Variants in BIN1 observed in about 807,000 individuals in gnomAD.
BIN1 encodes myc box-dependent-interacting protein 1.
Under a neutral mutation model 82.0 loss-of-function variants are expected in BIN1, and 53 were observed. The observed-to-expected ratio is 0.65, with a 90% CI of 0.52 to 0.81. The LOEUF (loss-of-function observed/expected upper bound fraction) is 0.81. Among genes scored for constraint, BIN1 ranks in the 40% least tolerant of loss-of-function variants. BIN1 has a pLI of 0.00. For synonymous variants in BIN1, 302 were observed against 328.0 expected (o/e 0.92, Z 0.86); for missense variants, 642 against 784.4 (o/e 0.82, Z 2.17).
intron 1 of BIN1, among the ~76,000 whole-genome samples, chr2:127,092,548 CCTAGCACCACCAGG>C (rs1383985625): frequency 6.6e-6 from 1 of 152,190 alleles, no homozygotes; most frequent in Non-Finnish European, 1.5e-5. Flanking sequence ...GCCCGCAGTC[CCTAGCACCACCAGG>C]CTCAGCCCTG....
At chr2:127,072,147 T>G (rs944413030) in intron 2 of BIN1, among the ~76,000 whole-genome samples, 1 of 152,214 alleles carries the variant, frequency 6.6e-6, no homozygotes, top group African/African-American at 2.4e-5. Context: ...GCCAGCTTCA[T>G]GCTTGCGCAA....
chr2:127,060,581 A>C (rs746325815), intron 10 of BIN1: 3 of 1,614,020 alleles, frequency 1.9e-6, no homozygotes, highest in Non-Finnish European at 2.5e-6. Flanking sequence ...CCTCCGCAGC[A>C]CTCACTGCCG....
At chr2:127,070,877 C>T in intron 2 of BIN1, 61 bp from the exon 3 acceptor site, 1 of 1,520,836 alleles carries the variant, frequency 6.6e-7, no homozygotes, top group Admixed American at 1.9e-5. Flanking sequence ...CCCTGACCCT[C>T]TCCTTCCTGC....
intron 1 of BIN1, among the ~76,000 whole-genome samples, chr2:127,098,563 CCCCATGCTGTTGCTGTGACCCCAAT>C (rs1679897961): frequency 6.6e-6 from 1 of 152,110 alleles, no homozygotes; most frequent in Non-Finnish European, 1.5e-5. Context: ...CACCCCCACG[CCCCATGCTGTTGCTGTGACCCCAAT>C]CCCACCCCAC....
intron 1 of BIN1, among the ~76,000 whole-genome samples, chr2:127,089,708 G>A (rs967217931): frequency 6.6e-6 from 1 of 152,072 alleles, no homozygotes; most frequent in African/African-American, 2.4e-5. Context: ...AGTCTGGGCA[G>A]CTGGCCAGGA....
At chr2:127,054,934 G>A (rs1244305056) in intron 12 of BIN1, 2 of 152,304 alleles carry the variant, frequency 1.3e-5, no homozygotes, top group East Asian at 3.9e-4. Flanking sequence ...TCCATGCCCA[G>A]GGCACAAGCT....
At chr2:127,070,169 G>A (rs932645782) in intron 4 of BIN1, 79 bp from the exon 5 acceptor site, 22 of 1,161,228 alleles carry the variant, frequency 1.9e-5, no homozygotes, top group Non-Finnish European at 2.5e-5. Context: ...GCAGGGACCA[G>A]CCCCAGCCCC....
In BIN1 at chr2:127,068,812, C is replaced by G; in HGVS notation, c.519+112G>C. ...CTGGGCCCTGTATCGTCCCCACCCCCAGTTCAGCCACCTGGGGCCAGGCAG... is the reference window on the plus strand; with the variant it reads ...CTGGGCCCTGTATCGTCCCCACCCCGAGTTCAGCCACCTGGGGCCAGGCAG... On this transcript the variant is annotated intron_variant, in intron 6 of 18. Transcript: ENST00000316724. The surrounding 1 kb of genome is among the most constrained non-coding windows in gnomAD (Gnocchi z 4.9). 9.4e-7 allele frequency: 1 copy of G among 1,060,388 alleles called. No individual in the cohort carries two copies. The highest frequency in any genetic ancestry group is 2.4e-5 in the East Asian group (1 of 40,966). The allele number at this position is 1,060,388 out of a possible 1,614,324, so 65.7% of individuals were successfully genotyped here. A position where few individuals can be genotyped will look rare whatever the true frequency, so the allele number is the denominator to read the frequency against.
intron 7 of BIN1, among the ~76,000 whole-genome samples, chr2:127,066,260 T>A (rs559810654): frequency 6.6e-6 from 1 of 152,260 alleles, no homozygotes; most frequent in Non-Finnish European, 1.5e-5. Context: ...TGTGCTCAAA[T>A]AAAGATGGGA....
At chr2:127,086,966 A>G (rs544716661) in intron 1 of BIN1, among the ~76,000 whole-genome samples, 1 of 152,252 alleles carries the variant, frequency 6.6e-6, no homozygotes, top group Admixed American at 6.5e-5. Context: ...AGAAAGGCTG[A>G]CTGAGGAAGC....
chr2:127,050,665 T>A (rs1458441206), intron 17 of BIN1, 137 bp downstream of exon 17: 5 of 1,318,418 alleles, frequency 3.8e-6, no homozygotes, highest in Non-Finnish European at 5.4e-6. Flanking sequence ...GGGGCTCAGA[T>A]GCCACCTTGC....
intron 1 of BIN1, among the ~76,000 whole-genome samples, chr2:127,104,797 T>A (rs13413441): frequency 2.2e-3 from 337 of 152,288 alleles, no homozygotes; most frequent in African/African-American, 7.7e-3. Flanking sequence ...TGGGGCTTCC[T>A]GCGAGCAGGG....
intron 1 of BIN1, among the ~76,000 whole-genome samples, chr2:127,102,203 C>T (rs1291738428): frequency 6.6e-6 from 1 of 152,216 alleles, no homozygotes; most frequent in Non-Finnish European, 1.5e-5. Context: ...GACAGAGGGC[C>T]TACCTCCAAG....
intron 7 of BIN1, among the ~76,000 whole-genome samples, chr2:127,066,519 C>G (rs777882318): frequency 3.3e-5 from 5 of 152,194 alleles, no homozygotes; most frequent in Non-Finnish European, 7.3e-5. Context: ...TTCAGAAACC[C>G]GGGCCCTCCG....
intron 1 of BIN1, among the ~76,000 whole-genome samples, chr2:127,086,602 G>A (rs957929551): frequency 6.6e-5 from 10 of 151,580 alleles, no homozygotes; most frequent in South Asian, 4.2e-4. Context: ...CTGCCTCCCC[G>A]GTTCAAGCAA....
chr2:127,084,203 C>A (rs1393297329), intron 1 of BIN1, among the ~76,000 whole-genome samples: 1 of 152,184 alleles, frequency 6.6e-6, no homozygotes, highest in Non-Finnish European at 1.5e-5. Context: ...CCCTGGCGCA[C>A]CGTATGCGCA....
intron 18 of BIN1, 110 bp from the exon 19 acceptor site, chr2:127,048,743 T>C (rs1682494065): frequency 2.1e-6 from 2 of 965,894 alleles, no homozygotes; most frequent in Non-Finnish European, 3.2e-6. Context: ...CTGCTGTTGG[T>C]GCCTCAGCCT....
intron 11 of BIN1, among the ~76,000 whole-genome samples, chr2:127,058,485 G>A (rs557060905): frequency 2.0e-5 from 3 of 152,242 alleles, no homozygotes; most frequent in South Asian, 2.1e-4. Context: ...CAGGCGGGGT[G>A]GAGACAAGGA....
At chr2:127,066,034 G>A (rs1228161125) in intron 7 of BIN1, among the ~76,000 whole-genome samples, 1 of 152,196 alleles carries the variant, frequency 6.6e-6, no homozygotes, top group Non-Finnish European at 1.5e-5. Flanking sequence ...AGGCAGGTGT[G>A]GAGAGCAGCT....
Sources: allele counts gnomAD v4.1 joint callset (sites outside exome capture counted in the v4.1 genomes callset), GRCh38; gene constraint gnomAD v4.1.1; non-coding constraint Gnocchi (gnomAD v3.1); transcripts MANE v1.5; gene names NCBI Gene and HGNC (gene_info 2026-07-23, HGNC 2026-07-21).